The following FRMPD4 variants were observed in gnomAD, a reference collection of about 807,000 sequenced individuals.
FRMPD4 encodes FERM and PDZ domain-containing protein 4.
Under a neutral mutation model 94.1 loss-of-function variants are expected in FRMPD4, and 22 were observed. The observed-to-expected ratio is 0.23, with a 90% CI of 0.17 to 0.33. The LOEUF (loss-of-function observed/expected upper bound fraction) is 0.33, where lower values mean the gene tolerates loss of function less well. Ranked by LOEUF, FRMPD4 falls within the 10% of genes least tolerant of loss-of-function variation. The pLI, the probability that FRMPD4 is intolerant of heterozygous loss-of-function variation, is 1.00. For synonymous variants in FRMPD4, 631 were observed against 548.6 expected (o/e 1.15, Z -2.10); for missense variants, 1,111 against 1,339.9 (o/e 0.83, Z 2.67).
intron 1 of FRMPD4, among the ~76,000 whole-genome samples, chrX:12,209,738 A>G (rs1042774778): frequency 8.9e-6 from 1 of 112,134 alleles, no homozygotes; most frequent in Non-Finnish European, 1.9e-5. Flanking sequence ...TAACTTTCAC[A>G]TAGTTATCAA....
chrX:12,266,708 C>T (rs1238979014), intron 1 of FRMPD4, among the ~76,000 whole-genome samples: 3 of 111,433 alleles, frequency 2.7e-5, no homozygotes, highest in Non-Finnish European at 5.6e-5. Flanking sequence ...GTATTAAAAA[C>T]TTTGAAACAG....
chrX:11,846,043 G>C (rs1251070064), intron 1 of FRMPD4, among the ~76,000 whole-genome samples: 1 of 103,700 alleles, frequency 9.6e-6, no homozygotes, highest in East Asian at 3.0e-4. Flanking sequence ...AATTAGGCAG[G>C]AGAAGGAAAT....
chrX:12,615,067 A>G (rs6654761), intron 4 of FRMPD4, among the ~76,000 whole-genome samples, 186 bp downstream of exon 4: 3 of 112,011 alleles, frequency 2.7e-5, no homozygotes, highest in African/African-American at 9.7e-5. Context: ...CTCCATAAAC[A>G]CAAAACTCCT....
At chrX:12,000,374 A>G (rs751359034) in intron 3 of FRMPD4, among the ~76,000 whole-genome samples, 1 of 112,447 alleles carries the variant, frequency 8.9e-6, no homozygotes, top group Admixed American at 9.4e-5. Flanking sequence ...AAATATCCCT[A>G]CAACAGTGAT....
At chrX:12,260,759 G>A (rs146527800) in intron 1 of FRMPD4, among the ~76,000 whole-genome samples, 91 of 111,887 alleles carry the variant, frequency 8.1e-4, no homozygotes, top group African/African-American at 2.8e-3. Flanking sequence ...CTTCCACTCT[G>A]TACTGTAATT....
At chrX:12,431,931 G>A (rs2057014943) in intron 1 of FRMPD4, among the ~76,000 whole-genome samples, 1 of 111,838 alleles carries the variant, frequency 8.9e-6, no homozygotes, top group African/African-American at 3.3e-5. Context: ...ATTCTGCCAA[G>A]GAGAAACTAT....
intron 2 of FRMPD4, among the ~76,000 whole-genome samples, chrX:12,553,460 A>ATATATATATATATATATATATATATATG (rs769330484): frequency 1.2e-5 from 1 of 81,550 alleles, no homozygotes; most frequent in African/African-American, 5.0e-5. Context: ...ATATATATAT[A>ATATATATATATATATATATATATATATG]TATATATCTA....
intron 3 of FRMPD4, among the ~76,000 whole-genome samples, chrX:12,009,150 C>G (rs1222341892): frequency 8.9e-6 from 1 of 112,008 alleles, no homozygotes; most frequent in African/African-American, 3.2e-5. Context: ...CTTGTGTTCT[C>G]ACCACACACA....
chrX:12,668,597 CTTTTT>C (rs61675840), intron 4 of FRMPD4, among the ~76,000 whole-genome samples: 1 of 71,614 alleles, frequency 1.4e-5, no homozygotes. Flanking sequence ...ATGGAAACTA[CTTTTT>C]TTTTTTTTTT....
intron 2 of FRMPD4, among the ~76,000 whole-genome samples, chrX:12,531,609 G>T (rs2058286409): frequency 9.0e-6 from 1 of 111,676 alleles, no homozygotes; most frequent in Middle Eastern, 4.6e-3. Flanking sequence ...ACCACATTTT[G>T]GGTGGCAAGG....
chrX:12,305,201 A>G (rs767770785), intron 1 of FRMPD4, among the ~76,000 whole-genome samples: 4 of 112,156 alleles, frequency 3.6e-5, no homozygotes, highest in Non-Finnish European at 7.5e-5. Flanking sequence ...GAGGATTTAC[A>G]TAGTCCCAGG....
intron 1 of FRMPD4, among the ~76,000 whole-genome samples, chrX:12,399,702 C>T (rs5978526): frequency 0.14 from 15,699 of 110,781 alleles, 1,170 homozygotes; most frequent in East Asian, 0.31. Flanking sequence ...AGGTCTTCAT[C>T]CTCAACATCT....
chrX:12,166,705 A>G (rs182088013), intron 1 of FRMPD4, among the ~76,000 whole-genome samples: 2,490 of 111,355 alleles, frequency 0.022, 73 homozygotes, highest in African/African-American at 0.077. Context: ...TTGGTAGGCT[A>G]TTAATTATTG....
chrX:12,406,183 C>T (rs1386084078), intron 1 of FRMPD4, among the ~76,000 whole-genome samples: 3 of 110,685 alleles, frequency 2.7e-5, no homozygotes, highest in Non-Finnish European at 1.9e-5. Flanking sequence ...AGCTCCACCA[C>T]GCAAAAGACT....
intron 1 of FRMPD4, among the ~76,000 whole-genome samples, chrX:11,860,703 T>G (rs1227471365): frequency 8.9e-6 from 1 of 112,267 alleles, no homozygotes; most frequent in Admixed American, 9.4e-5. Flanking sequence ...TCTTAAAATC[T>G]GATATAAATG....
intron 1 of FRMPD4, among the ~76,000 whole-genome samples, chrX:11,836,711 A>G (rs1230080184): frequency 8.9e-6 from 1 of 111,913 alleles, no homozygotes; most frequent in Non-Finnish European, 1.9e-5. Context: ...GATAAACCCA[A>G]TTGTTATGCT....
chrX:12,304,331 G>C (rs780518570), intron 1 of FRMPD4, among the ~76,000 whole-genome samples: 9 of 111,055 alleles, frequency 8.1e-5, no homozygotes, highest in African/African-American at 2.6e-4. Flanking sequence ...ATTGACATTA[G>C]AGGCTTGATA....
intron 1 of FRMPD4, among the ~76,000 whole-genome samples, chrX:12,370,671 A>C (rs1378183467): frequency 8.9e-6 from 1 of 112,524 alleles, no homozygotes; most frequent in African/African-American, 3.2e-5. Flanking sequence ...CCAAAGATAA[A>C]AGTATTACGT....
rs755531860 is a variant in FRMPD4 at position 12,498,548 on chromosome X, A to G, written c.42-132A>G. On this transcript the variant is annotated intron_variant, in intron 1 of 16. Transcript: ENST00000675598. ...AGAAATTGTAAAAGATAATGTGTCG[A>G]TTTTTGTTGCAACGTTAATTGGGGG... 10 of 544,455 alleles carry G rather than the reference A, an allele frequency of 1.8e-5. No individual in the cohort carries two copies. The African/African-American group carries it at 2.3e-4, about 12-fold the overall frequency. The allele number at this position is 544,455 out of a possible 1,213,427, so 44.9% of individuals were successfully genotyped here.
Sources: allele counts gnomAD v4.1 joint callset (sites outside exome capture counted in the v4.1 genomes callset), GRCh38; gene constraint gnomAD v4.1.1; transcripts MANE v1.5; gene names NCBI Gene and HGNC (gene_info 2026-07-23, HGNC 2026-07-21).